CCDC88C: variants seen among roughly 807,000 people sequenced by gnomAD.
CCDC88C encodes the protein coiled-coil and HOOK domain protein 88C.
A neutral mutation model predicts 198.8 loss-of-function variants in CCDC88C; 131 were observed. The ratio of observed to expected loss-of-function variants is 0.66; its 90% CI spans 0.57 to 0.76. The LOEUF (loss-of-function observed/expected upper bound fraction) is 0.76, where lower values mean the gene tolerates loss of function less well. Among genes scored for constraint, CCDC88C ranks in the 30% least tolerant of loss-of-function variants. CCDC88C has a pLI of 0.00. For synonymous variants in CCDC88C, 1,166 were observed against 1,114.7 expected, an observed-to-expected ratio of 1.05 and a Z score of -0.92; for missense variants, 2,553 against 2,631.6, an observed-to-expected ratio of 0.97 and a Z score of 0.65.
At chr14:91,316,059 G>A (rs1428192255) in intron 13 of CCDC88C, among the ~76,000 whole-genome samples, 2 of 152,226 alleles carry the variant, frequency 1.3e-5, no homozygotes, top group Non-Finnish European at 2.9e-5. Flanking sequence ...CGCCACCGCT[G>A]GGTGCCCTCG....
Position 91,358,477 on chromosome 14 carries a change from T to A in CCDC88C, c.340+1165A>T, listed in dbSNP as rs569255890. On this transcript the variant is annotated intron_variant, in intron 4 of 29. Coordinates refer to ENST00000389857, the MANE Select transcript of CCDC88C (RefSeq NM_001080414.4). ...GTCTCCATCAGAACAAGGGAAGTCC[T>A]AGCCAGCGAGTAACTCTGTCCCTGG... Among the ~76,000 whole-genome samples the A allele has an allele frequency of 7.9e-5, 12 of 152,352 alleles. No homozygotes were observed. The East Asian group carries it at 1.5e-3, about 20-fold the overall frequency.
intron 4 of CCDC88C, among the ~76,000 whole-genome samples, chr14:91,351,487 G>C (rs1893793170): frequency 6.6e-6 from 1 of 152,146 alleles, no homozygotes; most frequent in African/African-American, 2.4e-5. Flanking sequence ...GAATACTCAA[G>C]GTGGAGAGTT....
intron 23 of CCDC88C, among the ~76,000 whole-genome samples, chr14:91,293,453 T>C (rs117320935): frequency 0.18 from 260 of 1,474 alleles, 15 homozygotes; most frequent in East Asian, 0.26. Context: ...CCTGCCACGG[T>C]CCACCTTCCC....
At chr14:91,407,133 C>A (rs1284320135) in intron 3 of CCDC88C, among the ~76,000 whole-genome samples, 1 of 152,158 alleles carries the variant, frequency 6.6e-6, no homozygotes. Flanking sequence ...TCAGAAAACC[C>A]AGGCCATTGT....
chr14:91,414,708 C>T (rs889206521), intron 2 of CCDC88C, among the ~76,000 whole-genome samples: 4 of 152,192 alleles, frequency 2.6e-5, no homozygotes, highest in South Asian at 2.1e-4. Context: ...AGCCTCCCCA[C>T]GCTCCATTCC....
chr14:91,417,512 C>G (rs1346377727), intron 1 of CCDC88C, 119 bp downstream of exon 1: 2 of 807,978 alleles, frequency 2.5e-6, no homozygotes, highest in East Asian at 6.4e-5. Context: ...CCACTTGCTG[C>G]GTCCCTCGCG....
chr14:91,327,600 C>A (rs1323826586), intron 10 of CCDC88C, among the ~76,000 whole-genome samples: 1 of 152,196 alleles, frequency 6.6e-6, no homozygotes, highest in East Asian at 1.9e-4. Flanking sequence ...AGGCCGCAGA[C>A]CCGGTGCTCT....
intron 24 of CCDC88C, among the ~76,000 whole-genome samples, chr14:91,289,669 A>G (rs944164761): frequency 2.0e-5 from 3 of 152,150 alleles, no homozygotes; most frequent in Non-Finnish European, 4.4e-5. Flanking sequence ...ATTTCCATGA[A>G]TCTCATTTTC....
chr14:91,379,456 G>A (rs2139947766), intron 3 of CCDC88C: 1 of 262,858 alleles, frequency 3.8e-6, no homozygotes, highest in East Asian at 1.0e-4. Context: ...CCAGACCTGT[G>A]TGTACAGGAT....
intron 10 of CCDC88C, among the ~76,000 whole-genome samples, chr14:91,332,246 C>T (rs1892867207): frequency 6.6e-6 from 1 of 152,162 alleles, no homozygotes; most frequent in African/African-American, 2.4e-5. Context: ...CCTTTGTCCT[C>T]CTCCCACACA....
In CCDC88C at chr14:91,338,126, G is replaced by A. The variant is rs1248641075; in HGVS notation, c.929C>T (p.Ala310Val). 1.2e-6 allele frequency: 2 copies of A among 1,613,894 alleles called. No individual in the cohort carries two copies. Among genetic ancestry groups the A allele is most frequent in the Admixed American group, 1.7e-5 (1 of 60,028 alleles). ...QLAADARSAR[A>V]YRDELDSLRE... ...CAGGGAATCCAGCTCGTCTCGATAG[G>A]CACGAGCAGACCGGGCGTCTGCCGC... Residue 310 changes from alanine to valine, a missense_variant, in exon 10 of 30, where the codon GCC (alanine) becomes GTC (valine). Transcript: ENST00000389857. The surrounding 1 kb of genome is among the most constrained non-coding windows in gnomAD (Gnocchi z 4.8).
Position 91,308,408 on chromosome 14 carries a change from T to C in CCDC88C, c.2949A>G (p.Glu983=). 5.6e-6 allele frequency: 9 copies of C among 1,614,066 alleles called. No individual in the cohort carries two copies. Among genetic ancestry groups the C allele is most frequent in the Non-Finnish European group, 6.8e-6 (8 of 1,179,878 alleles). ...GGCTCGCTTTCTCTTCCATCTGTGC[T>C]TCTAAGAGCACAATCTTTTCTTCTT... The part of the protein sequence containing the change: ...AMKEEKIVLL[E]AQMEEKASLN... The change falls in exon 17 of 30, where the codon GAA becomes GAG. Residue 983 remains glutamate, a synonymous_variant. Coordinates refer to ENST00000389857, the MANE Select transcript of CCDC88C (RefSeq NM_001080414.4).
chr14:91,388,315 A>AC (rs1390386797), intron 3 of CCDC88C, among the ~76,000 whole-genome samples: 2 of 151,606 alleles, frequency 1.3e-5, no homozygotes, highest in Non-Finnish European at 2.9e-5. Flanking sequence ...GCCTCAGCCC[A>AC]CCCCCCGCTC....
chr14:91,338,379 C>G lies in CCDC88C; in HGVS notation c.891+110G>C. 1 of 1,061,674 alleles carries G rather than the reference C, an allele frequency of 9.4e-7. No individual in the cohort carries two copies. Among genetic ancestry groups the G allele is most frequent in the Non-Finnish European group, 1.4e-6 (1 of 709,546 alleles). The allele number at this position is 1,061,674 out of a possible 1,614,324, so 65.8% of individuals were successfully genotyped here. A position where few individuals can be genotyped will look rare whatever the true frequency, so the allele number is the denominator to read the frequency against. ...ATAGCCGTGCTCAGGACAAGTGGCT[C>G]TTGTGTGGCTTAAAAGCGCTGCTGT... is the stretch of plus-strand genomic sequence containing the variant. On this transcript the variant is annotated intron_variant, in intron 9 of 29. Coordinates refer to ENST00000389857, the MANE Select transcript of CCDC88C (RefSeq NM_001080414.4). The surrounding 1 kb of genome is among the most constrained non-coding windows in gnomAD (Gnocchi z 4.8).
At chr14:91,374,520 G>A (rs779333195) in intron 3 of CCDC88C, among the ~76,000 whole-genome samples, 74 of 152,142 alleles carry the variant, frequency 4.9e-4, no homozygotes, top group Non-Finnish European at 8.8e-4. Context: ...TCGATGAATC[G>A]TCAGCTGAAC....
chr14:91,346,337 T>C (rs1893545984), intron 4 of CCDC88C, among the ~76,000 whole-genome samples: 1 of 152,218 alleles, frequency 6.6e-6, no homozygotes, highest in Admixed American at 6.5e-5. Flanking sequence ...CCACAGGGTC[T>C]AAGGCCACTT....
At chr14:91,346,496 T>C (rs1442702991) in intron 4 of CCDC88C, among the ~76,000 whole-genome samples, 1 of 152,226 alleles carries the variant, frequency 6.6e-6, no homozygotes, top group South Asian at 2.1e-4. Context: ...TTTTTTTTAC[T>C]TGAGATCTTT....
intron 15 of CCDC88C, among the ~76,000 whole-genome samples, chr14:91,310,674 T>C (rs758326471): frequency 6.6e-6 from 1 of 152,200 alleles, no homozygotes; most frequent in Non-Finnish European, 1.5e-5. Flanking sequence ...TCTTCCAAAG[T>C]GCTGGGATTA....
chr14:91,326,861 C>T (rs1892605268), intron 10 of CCDC88C, among the ~76,000 whole-genome samples: 1 of 152,186 alleles, frequency 6.6e-6, no homozygotes, highest in Admixed American at 6.5e-5. Flanking sequence ...TGGCAGTTTC[C>T]TGGAAATGGG....
Sources: allele counts gnomAD v4.1 joint callset (sites outside exome capture counted in the v4.1 genomes callset), GRCh38; gene constraint gnomAD v4.1.1; non-coding constraint Gnocchi (gnomAD v3.1); transcripts MANE v1.5; gene names NCBI Gene and HGNC (gene_info 2026-07-23, HGNC 2026-07-21).